Variants in RBM28 observed in about 807,000 individuals in gnomAD.
RBM28 encodes the protein RNA-binding protein 28.
Under a neutral mutation model 98.3 loss-of-function variants are expected in RBM28, and 78 were observed. That is an observed-to-expected ratio of 0.79 (90% confidence interval 0.66 to 0.96). RBM28 has a LOEUF of 0.96. RBM28 is among the 40% of genes least tolerant of loss of function. RBM28 has a pLI of 0.00. For synonymous variants in RBM28, 306 were observed against 330.9 expected (o/e 0.92, Z 0.82); for missense variants, 838 against 913.0 (o/e 0.92, Z 1.06).
intron 9 of RBM28, among the ~76,000 whole-genome samples, chr7:128,331,939 T>C (rs901935514): frequency 5.9e-5 from 9 of 152,170 alleles, no homozygotes; most frequent in African/African-American, 1.7e-4. Context: ...CCTAGCTACA[T>C]TATTTCTTTT....
At chr7:128,314,544 G>C (rs907316427) in intron 17 of RBM28, among the ~76,000 whole-genome samples, 22 of 152,238 alleles carry the variant, frequency 1.4e-4, no homozygotes, top group Non-Finnish European at 2.9e-5. Flanking sequence ...GAGGAGAAAA[G>C]GGGCACAAAA....
chr7:128,318,611 A>G (rs962571723), intron 14 of RBM28, among the ~76,000 whole-genome samples: 2 of 152,202 alleles, frequency 1.3e-5, no homozygotes, highest in African/African-American at 4.8e-5. Flanking sequence ...ACAGATTAAA[A>G]TTGTATTTTC....
Position 128,309,407 on chromosome 7 carries a change from CG to C in RBM28, c.*1389del, listed in dbSNP as rs1402486440. ...CAGGACTTTGGGAGGTCGAGGTGGG[CG>C]GATCACCTGAGGTCAGGAGTTCAAG... On this transcript the variant is annotated 3_prime_UTR_variant, in exon 19 of 19. Coordinates refer to ENST00000223073, the MANE Select transcript of RBM28 (RefSeq NM_018077.3). The C allele has an allele frequency of 6.6e-6, 1 of 151,678 alleles. No individual in the cohort carries two copies. Among genetic ancestry groups the C allele is most frequent in the Non-Finnish European group, 1.5e-5 (1 of 67,988 alleles). The allele number at this position is 151,678 out of a possible 1,614,324, so 9.4% of individuals were successfully genotyped here. A position where few individuals can be genotyped will look rare whatever the true frequency, so the allele number is the denominator to read the frequency against.
In RBM28 at chr7:128,314,966, G is replaced by A. The variant is rs756928964; in HGVS notation, c.1843C>T (p.Pro615Ser). 23 of 1,614,022 alleles carry A rather than the reference G, an allele frequency of 1.4e-5. No individual in the cohort carries two copies. The highest frequency in any genetic ancestry group is 5.0e-5 in the Admixed American group (3 of 59,996). ...TGEPQKGQPEPAKDQQQKAAQ... is the reference protein window; with the variant it reads ...TGEPQKGQPESAKDQQQKAAQ... ...GCCTTCTGTTGCTGGTCTTTTGCAG[G>A]CTCTGGTTGCCCCTTCTGAGGCTCA... Residue 615 changes from proline (P) to serine (S), a missense_variant, in exon 17 of 19, where the codon CCT (proline) becomes TCT (serine). Physicochemically the swap from Pro to Ser is moderately conservative, Grantham distance 74. Coordinates refer to ENST00000223073, the MANE Select transcript of RBM28 (RefSeq NM_018077.3).
chr7:128,310,884 G>A lies in RBM28; in HGVS notation c.2193C>T (p.Asn731=). ...AKGNKTETRF[N]QLVEQYKQKL... Reference sequence around the variant, plus strand: ...TCTGCTTATATTGTTCGACCAGCTGGTTGAAGCGGGTTTCCGTCTTATTTC... The same window carrying A: ...TCTGCTTATATTGTTCGACCAGCTGATTGAAGCGGGTTTCCGTCTTATTTC... The change falls in exon 19 of 19, where the codon AAC becomes AAT. Residue 731 remains asparagine, a synonymous_variant. Coordinates refer to ENST00000223073, the MANE Select transcript of RBM28 (RefSeq NM_018077.3). 5 of 1,613,962 alleles carry A rather than the reference G, an allele frequency of 3.1e-6. No individual in the cohort carries two copies. The highest frequency in any genetic ancestry group is 3.4e-6 in the Non-Finnish European group (4 of 1,179,820).
At chr7:128,314,023 C>T (rs902726000) in intron 17 of RBM28, among the ~76,000 whole-genome samples, 5 of 152,056 alleles carry the variant, frequency 3.3e-5, no homozygotes, top group South Asian at 2.1e-4. Context: ...AGTGCAGTGG[C>T]GTGATCTCGG....
chr7:128,297,993 G>C lies in RBM28; in HGVS notation c.*12804C>G, dbSNP rs904163060. 3 of 117,832 alleles carry C rather than the reference G, an allele frequency of 2.5e-5. No homozygotes were observed. Among genetic ancestry groups the C allele is most frequent in the East Asian group, 6.1e-4 (2 of 3,288 alleles). The allele number at this position is 117,832 out of a possible 1,614,324, so 7.3% of individuals were successfully genotyped here. A position where few individuals can be genotyped will look rare whatever the true frequency, so the allele number is the denominator to read the frequency against. Reference sequence around the variant, plus strand: ...CACACTCTGGGGACTATTGAGGGGTGGGGGGAGGGGGGAGGGATAGCATTG... The same window carrying C: ...CACACTCTGGGGACTATTGAGGGGTCGGGGGAGGGGGGAGGGATAGCATTG... On this transcript the variant is annotated 3_prime_UTR_variant, in exon 19 of 19. Transcript: ENST00000223073.
Position 128,330,863 on chromosome 7 carries a change from T to A in RBM28, c.1085A>T (p.Lys362Ile), listed in dbSNP as rs754486222. Residue 362 changes from lysine to isoleucine, a missense_variant, in exon 10 of 19, where the codon AAA (lysine) becomes ATA (isoleucine). By Grantham distance (102) the Lys-to-Ile change is moderately radical. Coordinates refer to ENST00000223073, the MANE Select transcript of RBM28 (RefSeq NM_018077.3). ...GELLQQFGEL[K>I]YVRIVLHPDT... ...TGGATGCAAGACAATGCGGACATAT[T>A]TGAGTTCTCCAAACTGTTGGAGAAG... The A allele has an allele frequency of 6.2e-7, 1 of 1,614,158 alleles. No homozygotes were observed. Among genetic ancestry groups the A allele is most frequent in the Non-Finnish European group, 8.5e-7 (1 of 1,179,990 alleles).
At position 128,306,696 on chromosome 7, in the gene RBM28, G is replaced by T. The variant is rs1345493864; in HGVS notation, c.*4101C>A. Reference sequence around the variant, plus strand: ...CACTGGATTTGCCATCTATCAAGATGCTCCATTTAGGGGTGGTCCAAAAGG... The same window carrying T: ...CACTGGATTTGCCATCTATCAAGATTCTCCATTTAGGGGTGGTCCAAAAGG... On this transcript the variant is annotated 3_prime_UTR_variant, in exon 19 of 19. Coordinates refer to ENST00000223073, the MANE Select transcript of RBM28 (RefSeq NM_018077.3). 1 of 152,254 alleles carries T rather than the reference G, an allele frequency of 6.6e-6. No individual in the cohort carries two copies. Among genetic ancestry groups the T allele is most frequent in the Non-Finnish European group, 1.5e-5 (1 of 68,070 alleles). 9.4% of individuals were successfully genotyped at this position (152,254 alleles called of 1,614,324 possible). A position where few individuals can be genotyped will look rare whatever the true frequency, so the allele number is the denominator to read the frequency against.
intron 1 of RBM28, among the ~76,000 whole-genome samples, chr7:128,340,143 A>G (rs75816157): frequency 0.011 from 1,665 of 152,290 alleles, 24 homozygotes; most frequent in African/African-American, 0.038. Context: ...ACATCACCAA[A>G]GAAGGCAGGA....
chr7:128,337,046 C>A, intron 6 of RBM28, 85 bp downstream of exon 6: 1 of 1,447,494 alleles, frequency 6.9e-7, no homozygotes, highest in Non-Finnish European at 9.7e-7. Context: ...TTTTCTTACA[C>A]TTTTATCATG....
intron 10 of RBM28, among the ~76,000 whole-genome samples, chr7:128,328,570 C>T (rs916770912): frequency 2.0e-5 from 3 of 152,102 alleles, no homozygotes; most frequent in East Asian, 1.9e-4. Flanking sequence ...ACTCTGTTAA[C>T]ATTAATAGAC....
chr7:128,338,075 T>C (rs1429784860), intron 5 of RBM28, among the ~76,000 whole-genome samples, 175 bp downstream of exon 5: 3 of 152,302 alleles, frequency 2.0e-5, no homozygotes, highest in Non-Finnish European at 2.9e-5. Flanking sequence ...AAGGGTTCTT[T>C]CAAGTTTAAC....
In RBM28 at chr7:128,337,118, T is replaced by C; in HGVS notation, c.613+13A>G. 1.2e-6 allele frequency: 2 copies of C among 1,613,538 alleles called. No individual in the cohort carries two copies. The highest frequency in any genetic ancestry group is 1.7e-6 in the Non-Finnish European group (2 of 1,179,506). On this transcript the variant is annotated intron_variant, in intron 6 of 18. Coordinates refer to ENST00000223073, the MANE Select transcript of RBM28 (RefSeq NM_018077.3). ...TACAACGCCCCTACTCACCCAACAC[T>C]ACCACATCTTACCTATAGCAGAAAC... is the stretch of plus-strand genomic sequence containing the variant.
chr7:128,337,037 T>C, intron 6 of RBM28, 94 bp downstream of exon 6: 1 of 1,393,752 alleles, frequency 7.2e-7, no homozygotes, highest in Admixed American at 1.7e-5. Context: ...ACCCAGCCTT[T>C]TTCTTACACT....
Position 128,339,280 on chromosome 7 carries a change from CT to C in RBM28, c.318del (p.Ala107ProfsTer10). On this transcript the variant is annotated frameshift_variant, in exon 3 of 19. Coordinates refer to ENST00000223073, the MANE Select transcript of RBM28 (RefSeq NM_018077.3). LOFTEE classifies it high-confidence loss of function. ...ECPKKEPKAKKAKVADKKARL... is the reference protein window; with the variant it reads ...ECPKKEPKAKXAKVADKKARL... ...CTGGCTTTCTTATCTGCCACTTTGGCTTTTTTAGCCTTCGGCTCCTTCTTTG... is the reference window on the plus strand; with the variant it reads ...CTGGCTTTCTTATCTGCCACTTTGGCTTTTTAGCCTTCGGCTCCTTCTTTG... 1 of 1,613,736 alleles carries C rather than the reference CT, an allele frequency of 6.2e-7. No individual in the cohort carries two copies. The highest frequency in any genetic ancestry group is 8.5e-7 in the Non-Finnish European group (1 of 1,179,686).
At position 128,303,004 on chromosome 7, in the gene RBM28, T is replaced by TCCTCCCATCTCAG. The variant is rs1299677837; in HGVS notation, c.*7780_*7792dup. 6.6e-6 allele frequency: 1 copy of TCCTCCCATCTCAG among 152,148 alleles called. No homozygotes were observed. Among genetic ancestry groups the TCCTCCCATCTCAG allele is most frequent in the Non-Finnish European group, 1.5e-5 (1 of 68,076 alleles). 9.4% of individuals were successfully genotyped at this position (152,148 alleles called of 1,614,324 possible). A position where few individuals can be genotyped will look rare whatever the true frequency, so the allele number is the denominator to read the frequency against. On this transcript the variant is annotated 3_prime_UTR_variant, in exon 19 of 19. Coordinates refer to ENST00000223073, the MANE Select transcript of RBM28 (RefSeq NM_018077.3). ...GTCCTGAACTCCTGGCCTCAAGGGA[T>TCCTCCCATCTCAG]CCTCCCATCTCAGCCTCCCATAGTG...
At chr7:128,334,114 T>C (rs1796545136) in intron 8 of RBM28, among the ~76,000 whole-genome samples, 1 of 152,228 alleles carries the variant, frequency 6.6e-6, no homozygotes, top group African/African-American at 2.4e-5. Context: ...ACCTTGGTTG[T>C]CTCTGGGGAA....
intron 14 of RBM28, among the ~76,000 whole-genome samples, chr7:128,320,323 C>T (rs551823510): frequency 0.082 from 108 of 1,310 alleles, no homozygotes; most frequent in African/African-American, 0.2. Flanking sequence ...ATTGCTTGAG[C>T]TTGGGGGGGG....
Sources: allele counts gnomAD v4.1 joint callset (sites outside exome capture counted in the v4.1 genomes callset), GRCh38; gene constraint gnomAD v4.1.1; transcripts MANE v1.5; gene names NCBI Gene and HGNC (gene_info 2026-07-23, HGNC 2026-07-21).